Variants in CSPP1 observed in about 807,000 individuals in gnomAD.
CSPP1 encodes the protein centrosome and spindle pole associated protein 1.
In CSPP1, 126 loss-of-function variants were observed where a neutral mutation model predicts 164.4. That is an observed-to-expected ratio of 0.77 (90% CI 0.66 to 0.89). The LOEUF (loss-of-function observed/expected upper bound fraction) is 0.89. CSPP1 is among the 40% of genes least tolerant of loss of function. CSPP1 has a pLI of 0.00. For missense variants in CSPP1, 1,395 were observed against 1,449.8 expected (o/e 0.96, Z 0.61); for synonymous variants, 472 against 476.7 (o/e 0.99, Z 0.13).
chr8:67,096,120 T>G (rs1187043464), intron 7 of CSPP1, among the ~76,000 whole-genome samples: 2 of 152,176 alleles, frequency 1.3e-5, no homozygotes, highest in African/African-American at 4.8e-5. Flanking sequence ...ATGATTCAAG[T>G]TCACAGTCCG....
chr8:67,184,131 G>T (rs1277092085), intron 28 of CSPP1, among the ~76,000 whole-genome samples: 1 of 152,146 alleles, frequency 6.6e-6, no homozygotes, highest in Non-Finnish European at 1.5e-5. Context: ...GGGATTATAG[G>T]CGTGAGCCAC....
Position 67,086,083 on chromosome 8 carries a change from GC to G in CSPP1, c.277del (p.Gln93LysfsTer39). The G allele has an allele frequency of 6.7e-7, 1 of 1,488,156 alleles. No homozygotes were observed. Among genetic ancestry groups the G allele is most frequent in the Non-Finnish European group, 9.4e-7 (1 of 1,065,432 alleles). 92.2% of individuals were successfully genotyped at this position (1,488,156 alleles called of 1,614,324 possible). A position where few individuals can be genotyped will look rare whatever the true frequency, so the allele number is the denominator to read the frequency against. On this transcript the variant is annotated frameshift_variant, in exon 4 of 31. Transcript: ENST00000678616. LOFTEE classifies it high-confidence loss of function. ...AACATAAATTAAAAGAAGAATTGCGGCAAGATTACAGACGTTATCTTACTCA... is the reference window on the plus strand; with the variant it reads ...AACATAAATTAAAAGAAGAATTGCGGAAGATTACAGACGTTATCTTACTCA... The part of the protein sequence containing the change: ...KKHKLKEELR[Q>X]DYRRYLTQKN...
intron 19 of CSPP1, among the ~76,000 whole-genome samples, chr8:67,155,652 G>A (rs562602139): frequency 1.3e-4 from 20 of 152,216 alleles, no homozygotes; most frequent in African/African-American, 4.8e-4. Flanking sequence ...GCCAGGCATT[G>A]TAGTGTGTGC....
Position 67,105,891 on chromosome 8 carries a change from C to G in CSPP1, c.1023-14C>G, listed in dbSNP as rs1563568991. On this transcript the variant is annotated splice_polypyrimidine_tract_variant and intron_variant, in intron 8 of 30. Coordinates refer to ENST00000678616, the MANE Select transcript of CSPP1 (RefSeq NM_001382391.1). ...ATTTTAATTTACTCTTTTTCTCTGT[C>G]TTTTTTTCTTTAGTGCTCCAGACAA... 6.8e-7 allele frequency: 1 copy of G among 1,463,462 alleles called. No individual in the cohort carries two copies. Among genetic ancestry groups the G allele is most frequent in the South Asian group, 1.2e-5 (1 of 86,704 alleles). The allele number at this position is 1,463,462 out of a possible 1,614,324, so 90.7% of individuals were successfully genotyped here.
chr8:67,161,798 T>G lies in CSPP1; in HGVS notation c.2539-13T>G. ...TGAAGCAAATATGCTCTTAAATTTT[T>G]TAAATTTTTCAGCACATGAGACAGC... On this transcript the variant is annotated splice_polypyrimidine_tract_variant and intron_variant, in intron 21 of 30. Transcript: ENST00000678616. 3 of 1,569,838 alleles carry G rather than the reference T, an allele frequency of 1.9e-6. No individual in the cohort carries two copies. In the East Asian group the frequency reaches 6.7e-5, roughly 35 times the overall value.
At chr8:67,138,334 T>C (rs1157829621) in intron 17 of CSPP1, among the ~76,000 whole-genome samples, 2 of 152,330 alleles carry the variant, frequency 1.3e-5, no homozygotes, top group East Asian at 3.9e-4. Flanking sequence ...CACATCTTCC[T>C]GTATACTTTA....
At chr8:67,142,743 T>A (rs191844798) in intron 17 of CSPP1, among the ~76,000 whole-genome samples, 383 of 152,340 alleles carry the variant, frequency 2.5e-3, no homozygotes, top group Non-Finnish European at 3.7e-3. Flanking sequence ...TGCCAGAACA[T>A]TCTCCAATTT....
At chr8:67,127,407 C>A (rs1245492495) in intron 15 of CSPP1, among the ~76,000 whole-genome samples, 2 of 152,124 alleles carry the variant, frequency 1.3e-5, no homozygotes, top group Non-Finnish European at 2.9e-5. Flanking sequence ...GTCTTTCCCC[C>A]ACTCCATTTC....
At chr8:67,115,005 G>A (rs1310436466) in intron 12 of CSPP1, 2 of 152,170 alleles carry the variant, frequency 1.3e-5, no homozygotes, top group Non-Finnish European at 2.9e-5. Flanking sequence ...GACCAAATTT[G>A]TTTGCTACCT....
intron 16 of CSPP1, 48 bp downstream of exon 16, chr8:67,132,128 A>G (rs974633060): frequency 5.2e-6 from 8 of 1,551,686 alleles, no homozygotes; most frequent in Admixed American, 1.9e-5. Context: ...AAGTGTAAGC[A>G]TGGTGGTCCC....
At chr8:67,129,603 A>C (rs1820798165) in intron 15 of CSPP1, among the ~76,000 whole-genome samples, 2 of 152,228 alleles carry the variant, frequency 1.3e-5, no homozygotes. Context: ...AAAAGTGGAA[A>C]CAATTCAAGT....
rs1421369815 is a variant in CSPP1, at chr8:67,159,961, CTTTTCTTTTCTTTTCT to C, written c.2538+828_2538+843del. ...TCCTTCCTTCCTTCCTTCCTTCTTT[CTTTTCTTTTCTTTTCT>C]TTTCTTTTCTTTTCTTTTCTTTTCT... is the stretch of plus-strand genomic sequence containing the variant. On this transcript the variant is annotated intron_variant, in intron 21 of 30. Transcript: ENST00000678616. Among the ~76,000 whole-genome samples the C allele has an allele frequency of 3.8e-4, 11 of 29,250 alleles. 1 individual carries two copies. The highest frequency in any genetic ancestry group is 1.8e-3 in the Admixed American group (4 of 2,180). 19.2% of individuals were successfully genotyped at this position (29,250 alleles called of 152,430 possible).
chr8:67,074,306 A>T lies in CSPP1; in HGVS notation c.54A>T (p.Glu18Asp). 1 of 1,611,680 alleles carries T rather than the reference A, an allele frequency of 6.2e-7. No homozygotes were observed. Among genetic ancestry groups the T allele is most frequent in the East Asian group, 2.2e-5 (1 of 44,766 alleles). The change falls in exon 2 of 31, where the codon GAA (glutamate) becomes GAT (aspartate). Residue 18 changes from glutamate to aspartate, a missense_variant. Physicochemically the swap from Glu to Asp is conservative, Grantham distance 45 (BLOSUM62 2). Coordinates refer to ENST00000678616, the MANE Select transcript of CSPP1 (RefSeq NM_001382391.1). ...AAGAGCAAAAAGCCAGATTGGCCGA[A>T]GACAAAGCAGAGTTGGAAAGTGATC... ...FIEEQKARLA[E>D]DKAELESDPP...
chr8:67,081,994 G>A (rs1295838050), intron 3 of CSPP1, among the ~76,000 whole-genome samples: 4 of 152,158 alleles, frequency 2.6e-5, no homozygotes, highest in Non-Finnish European at 5.9e-5. Flanking sequence ...TCCCTTCTCT[G>A]GCTCCTAAGT....
At chr8:67,146,646 C>T (rs1343404319) in intron 17 of CSPP1, among the ~76,000 whole-genome samples, 1 of 152,096 alleles carries the variant, frequency 6.6e-6, no homozygotes, top group Non-Finnish European at 1.5e-5. Flanking sequence ...GCTGAATAAT[C>T]CTGGGTTTAT....
At chr8:67,141,256 A>G (rs1162431996) in intron 17 of CSPP1, among the ~76,000 whole-genome samples, 1 of 152,190 alleles carries the variant, frequency 6.6e-6, no homozygotes, top group East Asian at 1.9e-4. Flanking sequence ...TTATTTTAGA[A>G]TTGCTTGACC....
At chr8:67,072,777 G>A (rs987378461) in intron 1 of CSPP1, among the ~76,000 whole-genome samples, 4 of 151,228 alleles carry the variant, frequency 2.6e-5, no homozygotes, top group Admixed American at 6.6e-5. Context: ...TGAGGTGGGA[G>A]GATTGCTTGA....
chr8:67,156,795 C>T (rs1826750688), intron 19 of CSPP1, among the ~76,000 whole-genome samples: 1 of 152,260 alleles, frequency 6.6e-6, no homozygotes, highest in East Asian at 1.9e-4. Context: ...ATTAATAACA[C>T]TTGTGAATGT....
intron 15 of CSPP1, among the ~76,000 whole-genome samples, chr8:67,127,892 T>G (rs981370013): frequency 6.6e-5 from 10 of 152,352 alleles, no homozygotes; most frequent in African/African-American, 2.4e-4. Flanking sequence ...CCAATGACTT[T>G]CAAATATTTG....
Sources: allele counts gnomAD v4.1 joint callset (sites outside exome capture counted in the v4.1 genomes callset), GRCh38; gene constraint gnomAD v4.1.1; transcripts MANE v1.5; gene names NCBI Gene and HGNC (gene_info 2026-07-23, HGNC 2026-07-21).